UMODL1: variants seen among roughly 807,000 people sequenced by gnomAD.
UMODL1 encodes the protein uromodulin-like 1.
A neutral mutation model predicts 136.3 loss-of-function variants in UMODL1; 128 were observed. The observed-to-expected ratio is 0.94, with a 90% CI of 0.81 to 1.09. The LOEUF (loss-of-function observed/expected upper bound fraction) is 1.09. Ranked by LOEUF, UMODL1 falls within the 50% of genes least tolerant of loss-of-function variation. The pLI is 0.00. For missense variants in UMODL1, 1,766 were observed against 1,725.6 expected, an observed-to-expected ratio of 1.02 and a Z score of -0.41; for synonymous variants, 721 against 720.0, an observed-to-expected ratio of 1.00 and a Z score of -0.02.
Position 42,111,559 on chromosome 21 carries a change from C to G in UMODL1, c.1953C>G (p.Asp651Glu). The change falls in exon 12 of 23, where the codon GAC becomes GAG. Residue 651 changes from aspartate (D) to glutamate (E), a missense_variant. Asp to Glu is a conservative substitution (Grantham distance 45, BLOSUM62 2). Transcript: ENST00000408910. ...CCTCCTGGCCTTCCCCTACTGAGGA[C>G]CCCACCGGCCACTTCCTGTGGCATG... ...EPPSWPSPTE[D>E]PTGHFLWHAT... 6.2e-7 allele frequency: 1 copy of G among 1,613,950 alleles called. No homozygotes were observed.
chr21:42,088,155 G>A, intron 4 of UMODL1, 139 bp from the exon 5 acceptor site: 1 of 825,780 alleles, frequency 1.2e-6, no homozygotes, highest in Non-Finnish European at 1.9e-6. Flanking sequence ...GGATAGATAA[G>A]TACTGTAGAG....
At position 42,122,680 on chromosome 21, in the gene UMODL1, TGC is replaced by T. The variant is rs1449344690; in HGVS notation, c.2828-150_2828-149del. ...ATGTGTGCGTGTGTGTGTGTGTGTG[TGC>T]ACGTGTGTAGTTGTGGCTGGAACAT... On this transcript the variant is annotated intron_variant, in intron 16 of 22. Coordinates refer to ENST00000408910, the MANE Select transcript of UMODL1 (RefSeq NM_001004416.3). The surrounding 1 kb of genome is among the most constrained non-coding windows in gnomAD (Gnocchi z 4.3). 7.6e-6 allele frequency: 5 copies of T among 660,038 alleles called. No individual in the cohort carries two copies. The highest frequency in any genetic ancestry group is 1.3e-5 in the Non-Finnish European group (5 of 393,258). 40.9% of individuals were successfully genotyped at this position (660,038 alleles called of 1,614,324 possible).
chr21:42,076,524 C>A (rs1472447383), intron 2 of UMODL1, among the ~76,000 whole-genome samples: 1 of 152,192 alleles, frequency 6.6e-6, no homozygotes, highest in Non-Finnish European at 1.5e-5. Flanking sequence ...ACTTTGAGAA[C>A]CTCTGCTGTT....
intron 22 of UMODL1, 46 bp downstream of exon 22, chr21:42,137,687 G>A (rs1476580095): frequency 2.1e-6 from 2 of 950,310 alleles, no homozygotes; most frequent in African/African-American, 3.1e-5. Flanking sequence ...AGGAAGGTGG[G>A]TGTGGAGTGG....
At position 42,078,915 on chromosome 21, in the gene UMODL1, A is replaced by T. The variant is rs559301324; in HGVS notation, c.319+2668A>T. 8.3e-4 allele frequency among the ~76,000 whole-genome samples: 126 copies of T among 152,266 alleles called. 1 individual carries two copies. Among genetic ancestry groups the T allele is most frequent in the Non-Finnish European group, 1.5e-3 (103 of 67,996 alleles). On this transcript the variant is annotated intron_variant, in intron 2 of 22. Transcript: ENST00000408910. Reference sequence around the variant, plus strand: ...TTTCCACTTTCTTCGAGGGCCACACACACAGAGGGGCCTGCTGAGCTACAG... The same window carrying T: ...TTTCCACTTTCTTCGAGGGCCACACTCACAGAGGGGCCTGCTGAGCTACAG...
rs750218093 is a variant in UMODL1 at position 42,085,819 on chromosome 21, G to C, written c.603+407G>C. 3.9e-5 allele frequency among the ~76,000 whole-genome samples: 6 copies of C among 152,122 alleles called. No individual in the cohort carries two copies. Among genetic ancestry groups the C allele is most frequent in the Non-Finnish European group, 7.4e-5 (5 of 68,026 alleles). On this transcript the variant is annotated intron_variant, in intron 4 of 22. Coordinates refer to ENST00000408910, the MANE Select transcript of UMODL1 (RefSeq NM_001004416.3). The surrounding 1 kb of genome is among the most constrained non-coding windows in gnomAD (Gnocchi z 4.5). ...TTCGTGGAAGCCAGCACCAACCTGGGAGTGCTGAGATGGGAACCGTAGCCC... is the reference window on the plus strand; with the variant it reads ...TTCGTGGAAGCCAGCACCAACCTGGCAGTGCTGAGATGGGAACCGTAGCCC...
rs1343596357 is a variant in UMODL1, at chr21:42,112,543, CACCCCCAGCTGTTCTGT to C, written c.2104+847_2104+863del. On this transcript the variant is annotated intron_variant, in intron 12 of 22. Coordinates refer to ENST00000408910, the MANE Select transcript of UMODL1 (RefSeq NM_001004416.3). ...ATTCTGTATCTCCCCAGCTGTTCTG[CACCCCCAGCTGTTCTGT>C]ACCCCCAGCTGTTTTGTACCTCCCA... 2.8e-3 allele frequency among the ~76,000 whole-genome samples: 422 copies of C among 151,886 alleles called. 3 individuals are homozygous for C. The highest frequency in any genetic ancestry group is 9.5e-3 in the African/African-American group (393 of 41,376).
intron 14 of UMODL1, 57 bp from the exon 15 acceptor site, chr21:42,119,054 C>T (rs76209394): frequency 0.057 from 88,703 of 1,553,732 alleles, 3,267 homozygotes; most frequent in East Asian, 0.18. Context: ...CGCCTTGAGA[C>T]GGGCATCTGT....
chr21:42,104,643 T>G (rs2146484523), intron 9 of UMODL1, among the ~76,000 whole-genome samples: 1 of 152,214 alleles, frequency 6.6e-6, no homozygotes, highest in South Asian at 2.1e-4. Flanking sequence ...AGAGACAGGG[T>G]TTCACCGTGT....
At position 42,083,491 on chromosome 21, in the gene UMODL1, G is replaced by A. The variant is rs114434773; in HGVS notation, c.320-593G>A. 1.9e-4 allele frequency among the ~76,000 whole-genome samples: 29 copies of A among 152,304 alleles called. No homozygotes were observed. In the South Asian group the frequency reaches 3.7e-3, roughly 20 times the overall value. ...CAGGCCTGTACCTCGCCTTGTGGGC[G>A]CCAGGGCTGATGTCTGCAGAGCTGC... On this transcript the variant is annotated intron_variant, in intron 2 of 22. Transcript: ENST00000408910.
At position 42,123,072 on chromosome 21, in the gene UMODL1, C is replaced by A. The variant is rs752072575; in HGVS notation, c.3069C>A (p.Ser1023=). Residue 1023 remains serine (S), a synonymous_variant, in exon 17 of 23, where the codon TCC becomes TCA. Coordinates refer to ENST00000408910, the MANE Select transcript of UMODL1 (RefSeq NM_001004416.3). The surrounding 1 kb of genome is among the most constrained non-coding windows in gnomAD (Gnocchi z 4.4). ...CCTCGTTGTACCTCAGCCACCCCTC[C>A]TGCAACGTGAGCCACAGCAATGGCA... ...PESSLYLSHP[S]CNVSHSNGTH... 3.1e-6 allele frequency: 5 copies of A among 1,614,058 alleles called. No homozygotes were observed. The highest frequency in any genetic ancestry group is 4.2e-6 in the Non-Finnish European group (5 of 1,180,040).
intron 14 of UMODL1, among the ~76,000 whole-genome samples, chr21:42,118,662 G>T (rs767808049): frequency 6.6e-6 from 1 of 152,124 alleles, no homozygotes; most frequent in African/African-American, 2.4e-5. Flanking sequence ...GCAGTGCCAG[G>T]AGCAAAAGAG....
chr21:42,090,720 C>G (rs977854839), intron 6 of UMODL1, among the ~76,000 whole-genome samples: 18 of 152,198 alleles, frequency 1.2e-4, no homozygotes, highest in Non-Finnish European at 2.5e-4. Context: ...AAACAGCAGT[C>G]CCACGTGTGT....
At position 42,123,480 on chromosome 21, in the gene UMODL1, A is replaced by AGT. The variant is rs35813151; in HGVS notation, c.3147+342_3147+343dup. On this transcript the variant is annotated intron_variant, in intron 17 of 22. Transcript: ENST00000408910. The surrounding 1 kb of genome is among the most constrained non-coding windows in gnomAD (Gnocchi z 4.4). Reference sequence around the variant, plus strand: ...GCCAAGGAGTCCTGTGTGATATGAGAGTGTGTGTGTGTGAGTGTACGTGTG... The same window carrying AGT: ...GCCAAGGAGTCCTGTGTGATATGAGAGTGTGTGTGTGTGTGAGTGTACGTGTG... Among the ~76,000 whole-genome samples, 17 of 151,386 alleles carry AGT rather than the reference A, an allele frequency of 1.1e-4. No homozygotes were observed. Among genetic ancestry groups the AGT allele is most frequent in the African/African-American group, 3.9e-4 (16 of 41,216 alleles).
At chr21:42,106,761 C>T (rs373504586) in intron 9 of UMODL1, among the ~76,000 whole-genome samples, 2 of 152,318 alleles carry the variant, frequency 1.3e-5, no homozygotes, top group East Asian at 3.9e-4. Context: ...TGAGGCGGAA[C>T]GGGTTGGAAT....
At chr21:42,132,546 TCATC>T (rs1009536612) in intron 21 of UMODL1, among the ~76,000 whole-genome samples, 1 of 151,390 alleles carries the variant, frequency 6.6e-6, no homozygotes, top group Admixed American at 6.6e-5. Context: ...ATCCATCTAT[TCATC>T]CATCCATCCT....
chr21:42,110,922 C>T lies in UMODL1; in HGVS notation c.1700C>T (p.Thr567Ile). ...SPMGGGLSAA[T>I]GVTVPGLGTG... ...ATGGGCGGTGGACTGTCTGCGGCAA[C>T]AGGGGTAACGGTCCCAGGTCTTGGC... Residue 567 changes from threonine to isoleucine, a missense_variant, in exon 11 of 23, where the codon ACA (threonine) becomes ATA (isoleucine). Physicochemically the swap from Thr to Ile is moderately conservative, Grantham distance 89. Coordinates refer to ENST00000408910, the MANE Select transcript of UMODL1 (RefSeq NM_001004416.3). 3.7e-6 allele frequency: 6 copies of T among 1,612,586 alleles called. No individual in the cohort carries two copies. In the South Asian group the frequency reaches 4.4e-5, roughly 12 times the overall value.
chr21:42,115,952 G>T lies in UMODL1; in HGVS notation c.2442G>T (p.Glu814Asp). The part of the protein sequence containing the change: ...SESFRNASSQ[E>D]YRDFLELFFR... ...CCTTTCGCAACGCAAGCAGCCAGGA[G>T]TATCGAGATTTCCTAGAACTATTCT... The change falls in exon 14 of 23, where the codon GAG (glutamate) becomes GAT (aspartate). Residue 814 changes from glutamate to aspartate, a missense_variant. By Grantham distance (45) the Glu-to-Asp change is conservative (BLOSUM62 2). Coordinates refer to ENST00000408910, the MANE Select transcript of UMODL1 (RefSeq NM_001004416.3). 1 of 1,613,916 alleles carries T rather than the reference G, an allele frequency of 6.2e-7. No individual in the cohort carries two copies. Among genetic ancestry groups the T allele is most frequent in the Non-Finnish European group, 8.5e-7 (1 of 1,179,934 alleles).
At chr21:42,073,250 C>A (rs1236786839) in intron 1 of UMODL1, among the ~76,000 whole-genome samples, 1 of 152,226 alleles carries the variant, frequency 6.6e-6, no homozygotes, top group Non-Finnish European at 1.5e-5. Context: ...CTTTGCCTAG[C>A]TCGGCGTGGT....
Sources: allele counts gnomAD v4.1 joint callset (sites outside exome capture counted in the v4.1 genomes callset), GRCh38; gene constraint gnomAD v4.1.1; non-coding constraint Gnocchi (gnomAD v3.1); transcripts MANE v1.5; gene names NCBI Gene and HGNC (gene_info 2026-07-23, HGNC 2026-07-21).